PDE12: variants seen among roughly 807,000 people sequenced by gnomAD.
PDE12 encodes the protein phosphodiesterase 12, also known as 2',5'-phosphodiesterase 12.
A neutral mutation model predicts 45.4 loss-of-function variants in PDE12; 26 were observed. That is an observed-to-expected ratio of 0.57 (90% confidence interval 0.42 to 0.79). PDE12 has a LOEUF of 0.79. Among genes scored for constraint, PDE12 ranks in the 30% least tolerant of loss-of-function variants. The pLI is 0.00. For synonymous variants in PDE12, 283 were observed against 323.9 expected (o/e 0.87, Z 1.36); for missense variants, 668 against 790.0 (o/e 0.85, Z 1.85).
At chr3:57,632,165 G>A in the PDE12 span, among the ~76,000 whole-genome samples, 1 of 150,636 alleles carries the variant, frequency 6.6e-6, no homozygotes, top group Non-Finnish European at 1.5e-5. Context: ...GACTACAGGT[G>A]CGTGCCACCA....
At chr3:57,574,086 T>C in the PDE12 span, among the ~76,000 whole-genome samples, 1 of 152,210 alleles carries the variant, frequency 6.6e-6, no homozygotes, top group Non-Finnish European at 1.5e-5. Context: ...GGCTTGCAGA[T>C]GCCTGCCACT....
At chr3:57,594,367 C>G in the PDE12 span, among the ~76,000 whole-genome samples, 1 of 152,162 alleles carries the variant, frequency 6.6e-6, no homozygotes, top group Admixed American at 6.6e-5. Flanking sequence ...GGATAATAGG[C>G]GTGAGCCACC....
chr3:57,568,068 C>CAAAAAAAAAAA (rs11360766), downstream of PDE12, among the ~76,000 whole-genome samples: 1 of 47,534 alleles, frequency 2.1e-5, no homozygotes, highest in Non-Finnish European at 3.5e-5. Flanking sequence ...GACTCCATCT[C>CAAAAAAAAAAA]AAAAAAAAAA....
the PDE12 span, among the ~76,000 whole-genome samples, chr3:57,594,820 T>C: frequency 6.6e-6 from 1 of 152,228 alleles, no homozygotes; most frequent in South Asian, 2.1e-4. Flanking sequence ...TCTATTATTT[T>C]TGCTGTCAGT....
the PDE12 span, among the ~76,000 whole-genome samples, chr3:57,582,955 A>G: frequency 6.6e-6 from 1 of 152,150 alleles, no homozygotes. Flanking sequence ...CCCCCAGGGG[A>G]TATTTTGCAG....
At chr3:57,615,155 C>T in the PDE12 span, among the ~76,000 whole-genome samples, 2 of 151,878 alleles carry the variant, frequency 1.3e-5, no homozygotes, top group South Asian at 2.1e-4. Flanking sequence ...TCAGACAGCT[C>T]GCCCCCCTCG....
the PDE12 span, chr3:57,633,173 C>T: frequency 5.5e-6 from 6 of 1,090,784 alleles, no homozygotes; most frequent in Non-Finnish European, 8.1e-6. Context: ...GCAAAACACA[C>T]AACTTAAGAT....
chr3:57,557,569 A>G lies in PDE12; in HGVS notation c.1190A>G (p.His397Arg), dbSNP rs780401860. The G allele has an allele frequency of 6.2e-7, 1 of 1,614,146 alleles. No homozygotes were observed. The highest frequency in any genetic ancestry group is 1.1e-5 in the South Asian group (1 of 91,090). ...RKSKFSLLSQ[H>R]DISFYEALES... ...TCTAAGTTCAGCCTTCTTAGCCAGC[A>G]TGACATTTCATTCTACGAAGCCCTC... Residue 397 changes from histidine to arginine, a missense_variant, in exon 1 of 3, where the codon CAT (histidine) becomes CGT (arginine). Physicochemically the swap from His to Arg is conservative, Grantham distance 29. This residue lies in a region of PDE12 where 580 missense variants were observed against 662.9 expected (regional missense o/e 0.87). Coordinates refer to ENST00000311180, the MANE Select transcript of PDE12 (RefSeq NM_177966.7).
In PDE12 at chr3:57,556,733, C is replaced by G. The variant is rs777520816; in HGVS notation, c.354C>G (p.Phe118Leu). 6.3e-7 allele frequency: 1 copy of G among 1,596,484 alleles called. No homozygotes were observed. The highest frequency in any genetic ancestry group is 8.6e-7 in the Non-Finnish European group (1 of 1,167,844). Reference protein sequence around the residue: ...CSGPGPEPAVFCEPVVKLYYR... With the variant: ...CSGPGPEPAVLCEPVVKLYYR... ...GGCCGGGGCCTGAGCCGGCTGTGTT[C>G]TGCGAGCCCGTGGTGAAGCTGTACT... Residue 118 changes from phenylalanine to leucine, a missense_variant, in exon 1 of 3, where the codon TTC (phenylalanine) becomes TTG (leucine). Physicochemically the swap from Phe to Leu is conservative, Grantham distance 22 (BLOSUM62 0). This residue lies in a region of PDE12 where 580 missense variants were observed against 662.9 expected (regional missense o/e 0.87). Transcript: ENST00000311180. This position sits in a 1 kb window ranked among gnomAD's most constrained non-coding sequence, Gnocchi z 5.0.
At chr3:57,600,353 C>G in the PDE12 span, among the ~76,000 whole-genome samples, 2 of 68,972 alleles carry the variant, frequency 2.9e-5, no homozygotes, top group African/African-American at 7.6e-5. Context: ...TTTTCTTTTT[C>G]TTTCTTTCCT....
At chr3:57,634,893 T>C in the PDE12 span, 2 of 738,822 alleles carry the variant, frequency 2.7e-6, no homozygotes, top group Non-Finnish European at 4.0e-6. Flanking sequence ...ATTCTTAACA[T>C]CTATTAATAT....
the PDE12 span, among the ~76,000 whole-genome samples, chr3:57,646,947 A>G: frequency 2.0e-5 from 3 of 152,212 alleles, no homozygotes; most frequent in African/African-American, 4.8e-5. Context: ...TACTCCCTCT[A>G]CAGAAGTGCT....
chr3:57,558,958 A>T (rs1222099358), intron 1 of PDE12, among the ~76,000 whole-genome samples: 1 of 151,200 alleles, frequency 6.6e-6, no homozygotes. Context: ...CTGGTGGCTT[A>T]TGCCTGTAAT....
chr3:57,649,926 C>T, the PDE12 span, among the ~76,000 whole-genome samples: 6,690 of 149,738 alleles, frequency 0.045, 144 homozygotes, highest in Non-Finnish European at 0.051. Flanking sequence ...TATATATACA[C>T]ACACACACAC....
the PDE12 span, among the ~76,000 whole-genome samples, chr3:57,649,922 T>TACAC: frequency 0.03 from 4,459 of 148,486 alleles, 200 homozygotes; most frequent in African/African-American, 0.1. Flanking sequence ...TGTATATATA[T>TACAC]ACACACACAC....
At chr3:57,591,647 A>G in the PDE12 span, among the ~76,000 whole-genome samples, 1 of 151,774 alleles carries the variant, frequency 6.6e-6, no homozygotes, top group South Asian at 2.1e-4. Context: ...TTGTATTTTG[A>G]GTATAGATGG....
chr3:57,556,906 G>A lies in PDE12; in HGVS notation c.527G>A (p.Gly176Glu), dbSNP rs2069668387. The A allele has an allele frequency of 6.2e-7, 1 of 1,614,048 alleles. No individual in the cohort carries two copies. Among genetic ancestry groups the A allele is most frequent in the South Asian group, 1.1e-5 (1 of 91,086 alleles). ...ELQLPRYIMA[G>E]FPVCPKLSLE... ...CAGTTGCCGCGCTACATCATGGCCG[G>A]GTTCCCTGTGTGCCCCAAACTCAGC... The change falls in exon 1 of 3, where the codon GGG becomes GAG. Residue 176 changes from glycine to glutamate, a missense_variant. By Grantham distance (98) the Gly-to-Glu change is moderately conservative (BLOSUM62 -2). This residue lies in a region of PDE12 where 580 missense variants were observed against 662.9 expected (regional missense o/e 0.87). Coordinates refer to ENST00000311180, the MANE Select transcript of PDE12 (RefSeq NM_177966.7). This position sits in a 1 kb window ranked among gnomAD's most constrained non-coding sequence, Gnocchi z 5.0.
chr3:57,596,948 C>G, the PDE12 span: 23 of 1,011,714 alleles, frequency 2.3e-5, no homozygotes, highest in Admixed American at 5.4e-4. Flanking sequence ...GAATTCCTTC[C>G]GACCCCCGAC....
At chr3:57,611,546 C>A in the PDE12 span, among the ~76,000 whole-genome samples, 1 of 149,784 alleles carries the variant, frequency 6.7e-6, no homozygotes, top group Non-Finnish European at 1.5e-5. Flanking sequence ...AGGAAAAAAA[C>A]AAACAACCCC....
Sources: allele counts gnomAD v4.1 joint callset (sites outside exome capture counted in the v4.1 genomes callset), GRCh38; gene constraint gnomAD v4.1.1; regional missense constraint gnomAD v4.1.1; non-coding constraint Gnocchi (gnomAD v3.1); transcripts MANE v1.5; gene names NCBI Gene and HGNC (gene_info 2026-07-23, HGNC 2026-07-21).